GPHN: variants seen among roughly 807,000 people sequenced by gnomAD.
GPHN encodes gephyrin.
In GPHN, 17 loss-of-function variants were observed where a neutral mutation model predicts 95.5. The ratio of observed to expected loss-of-function variants is 0.18; its 90% CI spans 0.12 to 0.27. The LOEUF (loss-of-function observed/expected upper bound fraction) is 0.27, where lower values mean the gene tolerates loss of function less well. Ranked by LOEUF, GPHN falls within the 10% of genes least tolerant of loss-of-function variation. The pLI, the probability that GPHN is intolerant of heterozygous loss-of-function variation, is 1.00. For synonymous variants in GPHN, 320 were observed against 322.5 expected (o/e 0.99, Z 0.08); for missense variants, 660 against 978.1 (o/e 0.67, Z 4.34).
chr14:66,733,710 A>C (rs143777505), intron 2 of GPHN, among the ~76,000 whole-genome samples: 1 of 152,188 alleles, frequency 6.6e-6, no homozygotes, highest in Non-Finnish European at 1.5e-5. Flanking sequence ...GGGAAGGCAC[A>C]TATCTATCAA....
chr14:67,569,135 C>T, the GPHN span: 1 of 1,608,034 alleles, frequency 6.2e-7, no homozygotes, highest in Middle Eastern at 1.7e-4. Flanking sequence ...CCTCTTGTTT[C>T]AGGAGAGCCG....
the GPHN span, among the ~76,000 whole-genome samples, chr14:67,425,101 T>C: frequency 3.3e-5 from 5 of 152,214 alleles, no homozygotes; most frequent in African/African-American, 1.2e-4. Context: ...GGTTTGGTTT[T>C]AGAGACAGGG....
chr14:66,775,660 C>G (rs1341476687), intron 2 of GPHN, among the ~76,000 whole-genome samples: 1 of 152,064 alleles, frequency 6.6e-6, no homozygotes, highest in African/African-American at 2.4e-5. Flanking sequence ...CTGAATGTTT[C>G]TGTCTCAATT....
intron 12 of GPHN, among the ~76,000 whole-genome samples, chr14:67,100,090 TC>T (rs1350059508): frequency 6.6e-6 from 1 of 151,964 alleles, no homozygotes; most frequent in Non-Finnish European, 1.5e-5. Context: ...ATTTTTTTTT[TC>T]AATTTAAAAA....
chr14:67,631,460 G>A, the GPHN span, among the ~76,000 whole-genome samples: 641 of 129,388 alleles, frequency 5.0e-3, 30 homozygotes, highest in East Asian at 0.084. Flanking sequence ...TTTTGAGACA[G>A]GGTCTCACTC....
intron 2 of GPHN, chr14:66,760,735 A>G: frequency 2.2e-6 from 1 of 460,354 alleles, no homozygotes; most frequent in Non-Finnish European, 4.2e-6. Context: ...TGGATAATTC[A>G]TTTGAATTTG....
At chr14:67,323,750 A>G in the GPHN span, 1 of 1,605,764 alleles carries the variant, frequency 6.2e-7, no homozygotes, top group South Asian at 1.1e-5. Flanking sequence ...TATTATCTTC[A>G]TTGCACCCCC....
At chr14:67,691,147 G>A in the GPHN span, 1 of 1,610,980 alleles carries the variant, frequency 6.2e-7, no homozygotes, top group Non-Finnish European at 8.5e-7. Context: ...TACCCAAGTG[G>A]TTGACTCCTA....
intron 1 of GPHN, among the ~76,000 whole-genome samples, chr14:66,655,852 A>G (rs2065275824): frequency 6.6e-6 from 1 of 152,074 alleles, no homozygotes; most frequent in Non-Finnish European, 1.5e-5. Flanking sequence ...TGATTCTATA[A>G]TCATGTGATT....
intron 16 of GPHN, among the ~76,000 whole-genome samples, chr14:67,119,741 G>A (rs568819619): frequency 1.6e-4 from 24 of 152,302 alleles, no homozygotes; most frequent in African/African-American, 5.5e-4. Context: ...AGTGAGCCGA[G>A]ATCACGCCAT....
At chr14:66,979,844 T>C (rs28398007) in intron 9 of GPHN, among the ~76,000 whole-genome samples, 40,560 of 152,066 alleles carry the variant, frequency 0.27, 9,230 homozygotes, top group African/African-American at 0.59. Context: ...ATGCAACTAT[T>C]CCTTCTACTT....
intron 5 of GPHN, among the ~76,000 whole-genome samples, chr14:66,915,675 T>G (rs2065863280): frequency 1.3e-5 from 2 of 152,184 alleles, no homozygotes; most frequent in Non-Finnish European, 2.9e-5. Context: ...ATGCACTATC[T>G]CAAACTCTTA....
intron 4 of GPHN, among the ~76,000 whole-genome samples, chr14:66,864,599 C>T (rs1433614447): frequency 1.3e-5 from 2 of 152,074 alleles, no homozygotes; most frequent in African/African-American, 2.4e-5. Flanking sequence ...ATGGTAAAAC[C>T]CTGTTTCTAC....
chr14:67,547,238 A>G, the GPHN span, among the ~76,000 whole-genome samples: 1 of 152,168 alleles, frequency 6.6e-6, no homozygotes, highest in Non-Finnish European at 1.5e-5. Context: ...ACTAGGGACC[A>G]TGGGGTGGGA....
At chr14:67,471,348 T>C in the GPHN span, 2 of 152,164 alleles carry the variant, frequency 1.3e-5, no homozygotes, top group Non-Finnish European at 2.9e-5. Flanking sequence ...GGTAGTGTGG[T>C]CTAGGGGCCC....
chr14:67,517,761 A>G, the GPHN span, among the ~76,000 whole-genome samples: 1 of 152,134 alleles, frequency 6.6e-6, no homozygotes, highest in Non-Finnish European at 1.5e-5. Context: ...TAGGACAGCT[A>G]TTTTTATCTC....
the GPHN span, chr14:67,570,176 T>G: frequency 3.8e-6 from 1 of 265,788 alleles, no homozygotes; most frequent in Non-Finnish European, 5.8e-6. Flanking sequence ...TTTATTAGGT[T>G]ATTATAAAAA....
downstream of GPHN, among the ~76,000 whole-genome samples, chr14:67,185,302 C>T (rs76745477): frequency 0.012 from 1,832 of 152,252 alleles, 19 homozygotes; most frequent in Non-Finnish European, 0.018. Flanking sequence ...TTTAAGGACC[C>T]TGGTGGCCCA....
rs1023288407 is a variant in GPHN, at chr14:66,776,547, A to C, written c.201+26A>C. On this transcript the variant is annotated intron_variant, in intron 3 of 22. Coordinates refer to ENST00000478722, the MANE Select transcript of GPHN (RefSeq NM_020806.5). ...GTATAGTATGGCATTTTTCACCTCT[A>C]CAAACATTTAGCATCTTGGTGAGGG... 7 of 1,345,920 alleles carry C rather than the reference A, an allele frequency of 5.2e-6. No homozygotes were observed. The African/African-American group carries it at 7.2e-5, about 14-fold the overall frequency. 83.4% of individuals were successfully genotyped at this position (1,345,920 alleles called of 1,614,324 possible).
Sources: allele counts gnomAD v4.1 joint callset (sites outside exome capture counted in the v4.1 genomes callset), GRCh38; gene constraint gnomAD v4.1.1; transcripts MANE v1.5; gene names NCBI Gene and HGNC (gene_info 2026-07-23, HGNC 2026-07-21).